The following IL11RA variants were observed in gnomAD, a reference collection of about 807,000 sequenced individuals.
The protein encoded by IL11RA is interleukin 11 receptor subunit alpha, also known as interleukin-11 receptor subunit alpha.
A neutral mutation model predicts 57.0 loss-of-function variants in IL11RA; 51 were observed. The ratio of observed to expected loss-of-function variants is 0.89; its 90% CI spans 0.71 to 1.13. IL11RA has a LOEUF of 1.13. Ranked by LOEUF, IL11RA falls within the 50% of genes most tolerant of loss-of-function variation. The pLI is 0.00. For synonymous variants in IL11RA, 199 were observed against 217.5 expected (o/e 0.91, Z 0.75); for missense variants, 498 against 539.4 (o/e 0.92, Z 0.76).
chr9:34,652,950 C>T (rs1051017349), intron 1 of IL11RA, among the ~76,000 whole-genome samples: 1 of 152,134 alleles, frequency 6.6e-6, no homozygotes, highest in African/African-American at 2.4e-5. Flanking sequence ...CTAGAGATAC[C>T]TCTGTGTGTT....
chr9:34,660,311 A>T lies in IL11RA; in HGVS notation c.990A>T (p.Leu330=), dbSNP rs757157227. ...IPKEIPAWGQ[L]HTQPEVEPQV... is the part of the protein sequence containing the mutation. ...AGGAGATACCAGCATGGGGCCAGCT[A>T]CACACGCAGCCAGAGGTGGAGCCTC... The change falls in exon 10 of 13, where the codon CTA becomes CTT. Residue 330 remains leucine, a synonymous_variant. Transcript: ENST00000441545. The T allele has an allele frequency of 6.2e-7, 1 of 1,614,234 alleles. No individual in the cohort carries two copies. Among genetic ancestry groups the T allele is most frequent in the Non-Finnish European group, 8.5e-7 (1 of 1,180,020 alleles).
At position 34,655,257 on chromosome 9, in the gene IL11RA, G is replaced by A. The variant is rs1821320420; in HGVS notation, c.40G>A (p.Ala14Thr). The A allele has an allele frequency of 1.2e-6, 2 of 1,612,158 alleles. No homozygotes were observed. The highest frequency in any genetic ancestry group is 2.2e-5 in the South Asian group (2 of 90,552). Reference sequence around the variant, plus strand: ...CTCAGGGCTGAGCAGGGTCCTGGTGGCCGTGGCTACAGCCCTGGTGTCTGC... The same window carrying A: ...CTCAGGGCTGAGCAGGGTCCTGGTGACCGTGGCTACAGCCCTGGTGTCTGC... ...SCSGLSRVLV[A>T]VATALVSASS... The change falls in exon 2 of 13, where the codon GCC (alanine) becomes ACC (threonine). Residue 14 changes from alanine to threonine, a missense_variant. By Grantham distance (58) the Ala-to-Thr change is moderately conservative. Transcript: ENST00000441545.
At chr9:34,655,130 T>C (rs559092489) in intron 1 of IL11RA, 88 bp from the exon 2 acceptor site, 3 of 935,990 alleles carry the variant, frequency 3.2e-6, no homozygotes, top group Non-Finnish European at 5.1e-6. Context: ...ATTTTTCTCC[T>C]AGGAAGCCTC....
Position 34,658,514 on chromosome 9 carries a change from C to T in IL11RA, c.647-6C>T. The T allele has an allele frequency of 6.2e-7, 1 of 1,614,118 alleles. No individual in the cohort carries two copies. Among genetic ancestry groups the T allele is most frequent in the South Asian group, 1.1e-5 (1 of 91,084 alleles). On this transcript the variant is annotated splice_region_variant and splice_polypyrimidine_tract_variant and intron_variant, in intron 7 of 12. Transcript: ENST00000441545. This position sits in a 1 kb window ranked among gnomAD's most constrained non-coding sequence, Gnocchi z 4.0. ...CTACCCTGACTTTGTGTCTTGATGC[C>T]CTTAGTGCGCCCTGACCCACCCCAG...
At position 34,661,766 on chromosome 9, in the gene IL11RA, C is replaced by T; in HGVS notation, c.*268C>T. ...GACCATGTGTCTGTGAGGCAGGGAA[C>T]ATGTATTCTCTGCATGCATGTATGT... On this transcript the variant is annotated 3_prime_UTR_variant, in exon 13 of 13. Transcript: ENST00000441545. The T allele has an allele frequency of 2.7e-6, 2 of 740,582 alleles. No homozygotes were observed. Among genetic ancestry groups the T allele is most frequent in the South Asian group, 3.3e-5 (2 of 60,258 alleles). 45.9% of individuals were successfully genotyped at this position (740,582 alleles called of 1,614,324 possible). A position where few individuals can be genotyped will look rare whatever the true frequency, so the allele number is the denominator to read the frequency against.
chr9:34,659,581 A>G (rs1228646955), intron 8 of IL11RA, among the ~76,000 whole-genome samples, 178 bp from the exon 9 acceptor site: 1 of 152,212 alleles, frequency 6.6e-6, no homozygotes, highest in Non-Finnish European at 1.5e-5. Flanking sequence ...AGTAATCACT[A>G]CTGCCGTCTT....
At chr9:34,657,702 C>A in intron 7 of IL11RA, 115 bp downstream of exon 7, 2 of 1,028,580 alleles carry the variant, frequency 1.9e-6, no homozygotes, top group Non-Finnish European at 2.9e-6. Context: ...CCATTTCACA[C>A]AGAGAAGGCC....
intron 9 of IL11RA, among the ~76,000 whole-genome samples, 181 bp from the exon 10 acceptor site, chr9:34,660,093 A>G (rs1230841594): frequency 6.6e-6 from 1 of 152,232 alleles, no homozygotes; most frequent in Non-Finnish European, 1.5e-5. Flanking sequence ...CCACCCCTGC[A>G]GTTACAGGCT....
Position 34,658,994 on chromosome 9 carries a change from G to A in IL11RA, c.810+311G>A, listed in dbSNP as rs538671106. On this transcript the variant is annotated intron_variant, in intron 8 of 12. Transcript: ENST00000441545. This position sits in a 1 kb window ranked among gnomAD's most constrained non-coding sequence, Gnocchi z 4.0. ...GGCTGGAGTGCAGTGGTGCAATCTC[G>A]GCTAACTGCAACCTCCACCTCCTGG... Among the ~76,000 whole-genome samples the A allele has an allele frequency of 4.1e-4, 62 of 152,038 alleles. No homozygotes were observed. The highest frequency in any genetic ancestry group is 8.2e-4 in the Non-Finnish European group (56 of 67,994).
chr9:34,655,083 A>G, intron 1 of IL11RA, 135 bp from the exon 2 acceptor site: 1 of 713,046 alleles, frequency 1.4e-6, no homozygotes, highest in Non-Finnish European at 2.6e-6. Flanking sequence ...CAGTTCCCGC[A>G]GTGATTTCTA....
chr9:34,660,648 C>T (rs1821438629), intron 11 of IL11RA, 48 bp downstream of exon 11: 4 of 1,484,630 alleles, frequency 2.7e-6, no homozygotes, highest in Non-Finnish European at 3.8e-6. Flanking sequence ...CACACATGCT[C>T]TGATGCCCAT....
At chr9:34,660,973 G>A in intron 12 of IL11RA, 37 bp downstream of exon 12, 1 of 1,531,820 alleles carries the variant, frequency 6.5e-7, no homozygotes, top group East Asian at 2.2e-5. Context: ...ACTTGGAGAT[G>A]TTTGCCCCTA....
chr9:34,657,253 C>T (rs1225746385), intron 5 of IL11RA, 50 bp from the exon 6 acceptor site: 9 of 1,613,146 alleles, frequency 5.6e-6, no homozygotes, highest in Non-Finnish European at 7.6e-6. Flanking sequence ...TCAGAGAGGG[C>T]AGAAGGCCCT....
chr9:34,656,901 G>A lies in IL11RA; in HGVS notation c.324G>A (p.Gln108=), dbSNP rs201179602. 5.6e-6 allele frequency: 9 copies of A among 1,614,012 alleles called. No individual in the cohort carries two copies. The highest frequency in any genetic ancestry group is 1.6e-4 in the Middle Eastern group (1 of 6,084). ...CACTTGGGGGCACAGTGACCCTGCA[G>A]CTGGGCTGTGAGTTGGGGAGGGTGG... ...DGALGGTVTL[Q]LGYPPARPVV... The change falls in exon 4 of 13, where the codon CAG becomes CAA. Residue 108 remains glutamine (Q), a synonymous_variant. Coordinates refer to ENST00000441545, the MANE Select transcript of IL11RA (RefSeq NM_001142784.3).
At chr9:34,655,049 A>G in intron 1 of IL11RA, 169 bp from the exon 2 acceptor site, 1 of 661,790 alleles carries the variant, frequency 1.5e-6, no homozygotes, top group Non-Finnish European at 2.8e-6. Context: ...CACTGGGTAT[A>G]CAGTGGGAAA....
chr9:34,656,482 G>GTGGGT (rs1821345531), intron 3 of IL11RA, among the ~76,000 whole-genome samples: 1 of 152,150 alleles, frequency 6.6e-6, no homozygotes. Context: ...ATGTCCTGAG[G>GTGGGT]TGGGAATGAG....
In IL11RA at chr9:34,653,446, CTT is replaced by C. The variant is rs1279633533; in HGVS notation, c.-1+1215_-1+1216del. On this transcript the variant is annotated intron_variant, in intron 1 of 12. Transcript: ENST00000441545. This position sits in a 1 kb window ranked among gnomAD's most constrained non-coding sequence, Gnocchi z 4.5. ...CTTCCAGGGGAGGGGGAACTGGACT[CTT>C]TGGCCTCTCCTTATATCCCCCAACC... 2.0e-5 allele frequency among the ~76,000 whole-genome samples: 3 copies of C among 152,152 alleles called. No individual in the cohort carries two copies. The highest frequency in any genetic ancestry group is 7.2e-5 in the African/African-American group (3 of 41,422).
chr9:34,656,051 T>TC (rs34583069), intron 3 of IL11RA: 64 of 314,882 alleles, frequency 2.0e-4, no homozygotes, highest in East Asian at 2.0e-3. Context: ...TTTTTTTTTT[T>TC]CCGAGAGTCT....
chr9:34,652,674 G>C lies in IL11RA; in HGVS notation c.-1+441G>C, dbSNP rs1279231728. 1.3e-5 allele frequency among the ~76,000 whole-genome samples: 2 copies of C among 152,146 alleles called. 1 individual carries two copies. The highest frequency in any genetic ancestry group is 2.9e-5 in the Non-Finnish European group (2 of 68,020). ...CAGTAGCAGAGCAAAAGTGAGGTTT[G>C]TGACTATGTGTGTGTCCTGGGTCCT... On this transcript the variant is annotated intron_variant, in intron 1 of 12. Coordinates refer to ENST00000441545, the MANE Select transcript of IL11RA (RefSeq NM_001142784.3).
Sources: allele counts gnomAD v4.1 joint callset (sites outside exome capture counted in the v4.1 genomes callset), GRCh38; gene constraint gnomAD v4.1.1; non-coding constraint Gnocchi (gnomAD v3.1); transcripts MANE v1.5; gene names NCBI Gene and HGNC (gene_info 2026-07-23, HGNC 2026-07-21).